LAMB4: variants seen among roughly 807,000 people sequenced by gnomAD.
LAMB4 encodes the protein laminin subunit beta 4.
A neutral mutation model predicts 199.2 loss-of-function variants in LAMB4; 196 were observed. The ratio of observed to expected loss-of-function variants is 0.98; its 90% confidence interval spans 0.88 to 1.11. LAMB4 has a LOEUF of 1.11. Among genes scored for constraint, LAMB4 ranks in the 50% least tolerant of loss-of-function variants. The pLI is 0.00. For missense variants in LAMB4, 2,080 were observed against 2,171.2 expected (o/e 0.96, Z 0.83); for synonymous variants, 744 against 770.6 (o/e 0.97, Z 0.57).
chr7:108,107,905 C>A, intron 5 of LAMB4, 86 bp from the exon 6 acceptor site: 1 of 973,070 alleles, frequency 1.0e-6, no homozygotes. Context: ...TTTTCTAATT[C>A]CATTTTTAAA....
intron 14 of LAMB4, among the ~76,000 whole-genome samples, chr7:108,082,129 G>A (rs2036969626): frequency 6.6e-6 from 1 of 152,090 alleles, no homozygotes; most frequent in Non-Finnish European, 1.5e-5. Context: ...AGGAGATTGA[G>A]ACCACCTTGG....
intron 4 of LAMB4, among the ~76,000 whole-genome samples, chr7:108,111,331 C>A (rs1275833391): frequency 1.3e-5 from 2 of 152,218 alleles, no homozygotes; most frequent in East Asian, 3.8e-4. Context: ...GCCAGCTATC[C>A]TTTCAATTCA....
chr7:108,109,083 G>T, intron 5 of LAMB4, 88 bp downstream of exon 5: 3 of 997,594 alleles, frequency 3.0e-6, no homozygotes, highest in Non-Finnish European at 4.8e-6. Context: ...TTTGTTCACT[G>T]CAAGGAAGCA....
intron 14 of LAMB4, among the ~76,000 whole-genome samples, chr7:108,081,017 A>C (rs1471390809): frequency 6.6e-6 from 1 of 152,060 alleles, no homozygotes; most frequent in Non-Finnish European, 1.5e-5. Context: ...AGCTACTTGG[A>C]AGGCTAAGAC....
intron 17 of LAMB4, among the ~76,000 whole-genome samples, chr7:108,072,647 T>C (rs1383700920): frequency 6.6e-6 from 1 of 152,158 alleles, no homozygotes; most frequent in Non-Finnish European, 1.5e-5. Context: ...CATGCTCTCA[T>C]TGCTTGCTTC....
chr7:108,096,352 A>C (rs888532969), intron 11 of LAMB4, among the ~76,000 whole-genome samples: 2 of 152,196 alleles, frequency 1.3e-5, no homozygotes, highest in African/African-American at 2.4e-5. Flanking sequence ...CTTTTTAAGG[A>C]AGAATAAGAT....
At chr7:108,050,303 A>G (rs2035787211) in intron 26 of LAMB4, among the ~76,000 whole-genome samples, 1 of 152,216 alleles carries the variant, frequency 6.6e-6, no homozygotes, top group Admixed American at 6.5e-5. Context: ...CAATCTTCAC[A>G]AAACAGTGTG....
intron 12 of LAMB4, among the ~76,000 whole-genome samples, chr7:108,094,240 A>G (rs1424934329): frequency 6.6e-6 from 1 of 152,188 alleles, no homozygotes; most frequent in Non-Finnish European, 1.5e-5. Context: ...GAATTACATG[A>G]TTTGGTCGAT....
intron 14 of LAMB4, among the ~76,000 whole-genome samples, chr7:108,088,740 C>A (rs569223899): frequency 5.6e-4 from 85 of 152,198 alleles, no homozygotes; most frequent in African/African-American, 2.0e-3. Context: ...GTAGTCTGTC[C>A]AGAAATGGGC....
intron 17 of LAMB4, chr7:108,075,476 G>A (rs1225838790): frequency 9.2e-5 from 14 of 152,152 alleles, no homozygotes; most frequent in Admixed American, 6.5e-4. Context: ...ATAAAACTTC[G>A]TTGGGCTATA....
chr7:108,097,384 T>A (rs1449868277), intron 11 of LAMB4, among the ~76,000 whole-genome samples: 2 of 152,208 alleles, frequency 1.3e-5, no homozygotes, highest in African/African-American at 4.8e-5. Context: ...TGTTTTTCTA[T>A]TTCCGCTCCC....
intron 33 of LAMB4, among the ~76,000 whole-genome samples, chr7:108,028,585 T>G (rs1224365608): frequency 2.1e-4 from 32 of 149,772 alleles, no homozygotes; most frequent in Non-Finnish European, 5.9e-5. Context: ...CAGGCAATTC[T>G]CCTGCCTCAG....
In LAMB4 at chr7:108,065,927, G is replaced by T; in HGVS notation, c.2679-8C>A. The T allele has an allele frequency of 6.2e-7, 1 of 1,609,020 alleles. No homozygotes were observed. The highest frequency in any genetic ancestry group is 8.5e-7 in the Non-Finnish European group (1 of 1,177,938). ...TAGTAACCATCAATACACCTGTCAAGACAATTTCCTTTCACCAAAATGTTT... is the reference window on the plus strand; with the variant it reads ...TAGTAACCATCAATACACCTGTCAATACAATTTCCTTTCACCAAAATGTTT... On this transcript the variant is annotated splice_polypyrimidine_tract_variant and splice_region_variant and intron_variant, in intron 20 of 33. Coordinates refer to ENST00000388781, the MANE Select transcript of LAMB4 (RefSeq NM_007356.3).
intron 17 of LAMB4, among the ~76,000 whole-genome samples, chr7:108,075,239 G>GTTTCTAC (rs2036657674): frequency 1.3e-5 from 2 of 152,182 alleles, no homozygotes. Context: ...TTAAGAGTTT[G>GTTTCTAC]TTTCTACTTT....
At chr7:108,027,726 A>G (rs1041591952) in intron 33 of LAMB4, among the ~76,000 whole-genome samples, 1 of 152,224 alleles carries the variant, frequency 6.6e-6, no homozygotes, top group African/African-American at 2.4e-5. Context: ...CAAAAATCAT[A>G]AATATCAATT....
intron 24 of LAMB4, among the ~76,000 whole-genome samples, chr7:108,057,485 C>T (rs1011865712): frequency 1.3e-5 from 2 of 152,228 alleles, no homozygotes; most frequent in Admixed American, 6.5e-5. Flanking sequence ...AGTTGCCATG[C>T]GTGGCTATGT....
chr7:108,098,437 G>C lies in LAMB4; in HGVS notation c.1326C>G (p.Tyr442Ter). ...CCAGGGGGTCGGTGGCGCTTAGTCCGTAGTGGTTGGGTTTGCACTGGTCGC... is the reference window on the plus strand; with the variant it reads ...CCAGGGGGTCGGTGGCGCTTAGTCCCTAGTGGTTGGGTTTGCACTGGTCGC... ...AKCDQCKPNH[Y>*]GLSATDPLGC... The change falls in exon 11 of 34, where the codon TAC becomes TAG. Residue 442 changes from tyrosine to a stop codon, truncating the protein, a stop_gained. Transcript: ENST00000388781. LOFTEE classifies it high-confidence loss of function. 6.2e-7 allele frequency: 1 copy of C among 1,612,692 alleles called. No individual in the cohort carries two copies. Among genetic ancestry groups the C allele is most frequent in the Non-Finnish European group, 8.5e-7 (1 of 1,179,558 alleles).
chr7:108,068,123 C>G lies in LAMB4; in HGVS notation c.2339G>C (p.Ser780Thr). The G allele has an allele frequency of 6.2e-7, 1 of 1,614,146 alleles. No homozygotes were observed. Among genetic ancestry groups the G allele is most frequent in the Non-Finnish European group, 8.5e-7 (1 of 1,180,026 alleles). ...GCACTGGCCTCCAAGTCGGCTGCAG[C>G]TGGATCCGACTGAGCCCTGGGGGTG... ...KCHPQGSVGS[S>T]CSRLGGQCQC... The change falls in exon 19 of 34, where the codon AGC becomes ACC. Residue 780 changes from serine (S) to threonine (T), a missense_variant. By Grantham distance (58) the Ser-to-Thr change is moderately conservative. Coordinates refer to ENST00000388781, the MANE Select transcript of LAMB4 (RefSeq NM_007356.3).
At position 108,104,591 on chromosome 7, in the gene LAMB4, T is replaced by G; in HGVS notation, c.899A>C (p.Asn300Thr). The G allele has an allele frequency of 6.2e-7, 1 of 1,614,162 alleles. No individual in the cohort carries two copies. The highest frequency in any genetic ancestry group is 8.5e-7 in the Non-Finnish European group (1 of 1,180,008). Residue 300 changes from asparagine to threonine, a missense_variant, in exon 9 of 34, where the codon AAT becomes ACT. Coordinates refer to ENST00000388781, the MANE Select transcript of LAMB4 (RefSeq NM_007356.3). ...MVHGQCVCQH[N>T]TDGPNCERCK... ...TCTCTCACAGTTCGGACCATCTGTA[T>G]TGTGCTGACACACACACTGACCGTG...
Sources: allele counts gnomAD v4.1 joint callset (sites outside exome capture counted in the v4.1 genomes callset), GRCh38; gene constraint gnomAD v4.1.1; transcripts MANE v1.5; gene names NCBI Gene and HGNC (gene_info 2026-07-23, HGNC 2026-07-21).